Variants in PDE7B observed in about 807,000 individuals in gnomAD.
The protein encoded by PDE7B is phosphodiesterase 7B, also known as 3',5'-cyclic-AMP phosphodiesterase 7B.
In PDE7B, 29 loss-of-function variants were observed where a neutral mutation model predicts 56.2. The observed-to-expected ratio is 0.52, with a 90% CI of 0.38 to 0.70. The LOEUF (loss-of-function observed/expected upper bound fraction) is 0.70, where lower values mean the gene tolerates loss of function less well. Among genes scored for constraint, PDE7B ranks in the 30% least tolerant of loss-of-function variants. PDE7B has a pLI of 0.00. For missense variants in PDE7B, 490 were observed against 565.0 expected, an observed-to-expected ratio of 0.87 and a Z score of 1.35; for synonymous variants, 197 against 196.9, an observed-to-expected ratio of 1.00 and a Z score of 0.00.
Position 136,149,061 on chromosome 6 carries a change from G to C in PDE7B, c.319-26G>C, listed in dbSNP as rs368677596. The C allele has an allele frequency of 7.8e-6, 12 of 1,545,808 alleles. No homozygotes were observed. In the Admixed American group the frequency reaches 1.0e-4, roughly 13 times the overall value. Reference sequence around the variant, plus strand: ...TGAGTCTCCAGTGTGATTCATTTGCGTGCTGTTTTTTGTTTGCCTTTTCAG... The same window carrying C: ...TGAGTCTCCAGTGTGATTCATTTGCCTGCTGTTTTTTGTTTGCCTTTTCAG... On this transcript the variant is annotated intron_variant, in intron 4 of 12. Transcript: ENST00000308191.
chr6:136,100,434 C>T (rs1777541505), intron 2 of PDE7B, among the ~76,000 whole-genome samples: 1 of 152,130 alleles, frequency 6.6e-6, no homozygotes, highest in Non-Finnish European at 1.5e-5. Context: ...TTATTTGTGT[C>T]CTCTTTTATT....
intron 1 of PDE7B, among the ~76,000 whole-genome samples, chr6:135,900,111 T>A (rs1281408461): frequency 2.0e-5 from 3 of 152,062 alleles, no homozygotes; most frequent in African/African-American, 4.8e-5. Context: ...CTGGTTTTTT[T>A]AAAAAAACAT....
chr6:135,959,544 T>C (rs1480216652), intron 2 of PDE7B, among the ~76,000 whole-genome samples: 1 of 152,168 alleles, frequency 6.6e-6, no homozygotes, highest in Non-Finnish European at 1.5e-5. Flanking sequence ...GTTTATAGAA[T>C]GGGTTTGTTA....
intron 2 of PDE7B, among the ~76,000 whole-genome samples, chr6:135,994,307 C>A (rs1296165277): frequency 6.6e-6 from 1 of 151,712 alleles, no homozygotes; most frequent in African/African-American, 2.4e-5. Flanking sequence ...ACACTTCATA[C>A]GAAAATGAAA....
chr6:136,089,180 G>A (rs954542239), intron 2 of PDE7B, among the ~76,000 whole-genome samples: 21 of 152,122 alleles, frequency 1.4e-4, no homozygotes, highest in Non-Finnish European at 2.9e-4. Context: ...GTGAATTATT[G>A]TTCAGAGCCT....
intron 2 of PDE7B, among the ~76,000 whole-genome samples, chr6:135,951,553 C>A (rs149213304): frequency 5.3e-5 from 8 of 152,042 alleles, no homozygotes; most frequent in Non-Finnish European, 8.8e-5. Context: ...CTCTGTGAAA[C>A]GATAAATCAT....
chr6:136,169,254 C>A (rs1179911037), intron 8 of PDE7B, among the ~76,000 whole-genome samples: 1 of 152,118 alleles, frequency 6.6e-6, no homozygotes, highest in Admixed American at 6.5e-5. Context: ...TCTCTGGAAT[C>A]CACCATGGTG....
At chr6:135,892,496 A>C (rs1003255439) in intron 1 of PDE7B, among the ~76,000 whole-genome samples, 1 of 152,182 alleles carries the variant, frequency 6.6e-6, no homozygotes, top group African/African-American at 2.4e-5. Flanking sequence ...TTCTGAGGAG[A>C]TATTTCCTAT....
chr6:135,955,868 G>A (rs914782673), intron 2 of PDE7B, among the ~76,000 whole-genome samples: 2 of 152,140 alleles, frequency 1.3e-5, no homozygotes, highest in East Asian at 3.8e-4. Flanking sequence ...GCCCTGTCCC[G>A]CAAAGAAGAG....
At chr6:136,037,969 GAA>G in intron 2 of PDE7B, 5 of 1,220,184 alleles carry the variant, frequency 4.1e-6, no homozygotes, top group Non-Finnish European at 5.2e-6. Context: ...GAGAGGAGGG[GAA>G]AAAAAATGCA....
chr6:135,959,205 G>A (rs974994429), intron 2 of PDE7B, among the ~76,000 whole-genome samples: 4 of 152,034 alleles, frequency 2.6e-5, no homozygotes, highest in African/African-American at 9.7e-5. Context: ...AGAAAATAGT[G>A]CCAGAAATGC....
At chr6:136,091,093 T>G (rs951802998) in intron 2 of PDE7B, among the ~76,000 whole-genome samples, 1 of 152,216 alleles carries the variant, frequency 6.6e-6, no homozygotes, top group Non-Finnish European at 1.5e-5. Flanking sequence ...TTTTGTGCTT[T>G]GGGTGAGACC....
intron 2 of PDE7B, among the ~76,000 whole-genome samples, chr6:135,959,321 TATAAG>T (rs1201190585): frequency 6.6e-6 from 1 of 152,148 alleles, no homozygotes; most frequent in African/African-American, 2.4e-5. Flanking sequence ...GAATAGTAAA[TATAAG>T]AAAAGAGTTA....
chr6:135,949,652 T>C (rs1435825055), intron 2 of PDE7B, among the ~76,000 whole-genome samples: 1 of 152,108 alleles, frequency 6.6e-6, no homozygotes, highest in East Asian at 1.9e-4. Flanking sequence ...TATAGATATC[T>C]CTAGCAATAG....
At chr6:136,084,602 A>G (rs1280530548) in intron 2 of PDE7B, among the ~76,000 whole-genome samples, 2 of 152,184 alleles carry the variant, frequency 1.3e-5, no homozygotes, top group Admixed American at 6.5e-5. Context: ...AGAAGGGTCA[A>G]TTATGGCTTA....
intron 2 of PDE7B, among the ~76,000 whole-genome samples, chr6:136,053,690 T>A (rs1380462653): frequency 6.6e-6 from 1 of 152,188 alleles, no homozygotes; most frequent in Non-Finnish European, 1.5e-5. Context: ...GTAAAAGTGT[T>A]CCTATTTCTC....
intron 1 of PDE7B, 67 bp from the exon 2 acceptor site, chr6:135,947,397 T>G: frequency 8.4e-7 from 1 of 1,190,584 alleles, no homozygotes; most frequent in Non-Finnish European, 1.3e-6. Flanking sequence ...TCAGGTCACA[T>G]GGATATATTG....
intron 2 of PDE7B, among the ~76,000 whole-genome samples, chr6:136,003,291 A>G (rs1479376303): frequency 6.6e-6 from 1 of 151,330 alleles, no homozygotes; most frequent in African/African-American, 2.4e-5. Flanking sequence ...AATTAAAAGA[A>G]CTAGAAAAGC....
At chr6:135,860,310 A>G (rs1775121209) in intron 1 of PDE7B, among the ~76,000 whole-genome samples, 1 of 152,066 alleles carries the variant, frequency 6.6e-6, no homozygotes, top group Non-Finnish European at 1.5e-5. Context: ...TCATTCTAAG[A>G]ATGAGTTAGG....
Sources: allele counts gnomAD v4.1 joint callset (sites outside exome capture counted in the v4.1 genomes callset), GRCh38; gene constraint gnomAD v4.1.1; transcripts MANE v1.5; gene names NCBI Gene and HGNC (gene_info 2026-07-23, HGNC 2026-07-21).